The following MEGF9 variants were observed in gnomAD, a reference collection of about 807,000 sequenced individuals.
The protein encoded by MEGF9 is multiple EGF like domains 9, also known as multiple epidermal growth factor-like domains protein 9.
Under a neutral mutation model 46.8 loss-of-function variants are expected in MEGF9, and 6 were observed. That is an observed-to-expected ratio of 0.13 (90% CI 0.07 to 0.25). The LOEUF (loss-of-function observed/expected upper bound fraction) is 0.25. Ranked by LOEUF, MEGF9 falls within the 10% of genes least tolerant of loss-of-function variation. The pLI, the probability that MEGF9 is intolerant of heterozygous loss-of-function variation, is 1.00. For synonymous variants in MEGF9, 302 were observed against 330.7 expected, an observed-to-expected ratio of 0.91 and a Z score of 0.94; for missense variants, 683 against 792.4, an observed-to-expected ratio of 0.86 and a Z score of 1.66.
At chr9:120,608,044 G>C (rs763759893) in intron 4 of MEGF9, 34 bp from the exon 5 acceptor site, 15 of 1,599,644 alleles carry the variant, frequency 9.4e-6, no homozygotes, top group African/African-American at 1.3e-5. Flanking sequence ...GTTTAGTACA[G>C]TCTGAAGCTA....
chr9:120,619,077 G>A (rs1248165751), intron 3 of MEGF9, among the ~76,000 whole-genome samples: 1 of 152,086 alleles, frequency 6.6e-6, no homozygotes, highest in Non-Finnish European at 1.5e-5. Context: ...CAGGCACAGT[G>A]GCTCACATCT....
At chr9:120,683,393 G>A (rs2043807467) in intron 1 of MEGF9, among the ~76,000 whole-genome samples, 1 of 152,198 alleles carries the variant, frequency 6.6e-6, no homozygotes. Flanking sequence ...CATGTGTTGA[G>A]GGAGGGACCA....
At chr9:120,701,589 A>G (rs796233411) in intron 1 of MEGF9, among the ~76,000 whole-genome samples, 40 of 152,358 alleles carry the variant, frequency 2.6e-4, no homozygotes, top group African/African-American at 9.4e-4. Flanking sequence ...ACATATGGAC[A>G]GACTGAAACC....
intron 1 of MEGF9, among the ~76,000 whole-genome samples, chr9:120,695,003 G>A (rs1434671308): frequency 6.7e-6 from 1 of 149,662 alleles, no homozygotes; most frequent in African/African-American, 2.5e-5. Context: ...CCACATGCTA[G>A]GAATTAATCT....
intron 2 of MEGF9, among the ~76,000 whole-genome samples, chr9:120,646,414 C>T (rs994592512): frequency 2.6e-5 from 4 of 152,266 alleles, no homozygotes; most frequent in Non-Finnish European, 5.9e-5. Flanking sequence ...CTCCTGTCCC[C>T]ACTCCTCTTC....
chr9:120,620,846 G>A (rs942345774), intron 3 of MEGF9, among the ~76,000 whole-genome samples: 5 of 99,792 alleles, frequency 5.0e-5, no homozygotes, highest in African/African-American at 1.4e-4. Context: ...AGACAAGATC[G>A]CATAAAAGAA....
intron 2 of MEGF9, among the ~76,000 whole-genome samples, chr9:120,658,183 C>T (rs1194417858): frequency 6.6e-6 from 1 of 152,154 alleles, no homozygotes; most frequent in Non-Finnish European, 1.5e-5. Context: ...GACGGGGTTT[C>T]ACTGTGCTGG....
intron 2 of MEGF9, among the ~76,000 whole-genome samples, chr9:120,645,700 T>C (rs2043623197): frequency 6.6e-6 from 1 of 152,178 alleles, no homozygotes; most frequent in African/African-American, 2.4e-5. Context: ...GAAGTAAAGT[T>C]TGTCAATTAT....
intron 2 of MEGF9, among the ~76,000 whole-genome samples, chr9:120,656,905 G>T (rs932347620): frequency 6.6e-6 from 1 of 152,058 alleles, no homozygotes; most frequent in African/African-American, 2.4e-5. Context: ...TATACGGTGC[G>T]ACTCTGTCTC....
intron 5 of MEGF9, among the ~76,000 whole-genome samples, chr9:120,606,402 G>A (rs1364376449): frequency 6.6e-6 from 1 of 152,142 alleles, no homozygotes; most frequent in Non-Finnish European, 1.5e-5. Context: ...CTGCAAAGGA[G>A]GTGTAGGGAA....
At chr9:120,690,235 T>C (rs1222969533) in intron 1 of MEGF9, among the ~76,000 whole-genome samples, 1 of 152,070 alleles carries the variant, frequency 6.6e-6, no homozygotes, top group African/African-American at 2.4e-5. Flanking sequence ...GACATAAAAA[T>C]TAAAGAATGG....
intron 3 of MEGF9, among the ~76,000 whole-genome samples, chr9:120,612,997 C>A (rs1020650223): frequency 6.6e-6 from 1 of 150,710 alleles, no homozygotes; most frequent in African/African-American, 2.4e-5. Context: ...CCATTACACC[C>A]GGCTAATTTT....
rs78369768 is a variant in MEGF9 at position 120,613,100 on chromosome 9, G to A, written c.944-561C>T. On this transcript the variant is annotated intron_variant, in intron 3 of 5. Coordinates refer to ENST00000373930, the MANE Select transcript of MEGF9 (RefSeq NM_001080497.3). ...GATTCTCCTGCGTTGGCCTCCCAAA[G>A]TTTTGGGATTACAGGCATGAGCCAT... is the stretch of plus-strand genomic sequence containing the variant. Among the ~76,000 whole-genome samples the A allele has an allele frequency of 3.9e-3, 600 of 152,218 alleles. 5 individuals are homozygous for A. Among genetic ancestry groups the A allele is most frequent in the African/African-American group, 0.014 (567 of 41,544 alleles).
intron 1 of MEGF9, among the ~76,000 whole-genome samples, chr9:120,700,273 G>C (rs950121441): frequency 2.6e-5 from 4 of 152,138 alleles, no homozygotes; most frequent in African/African-American, 4.8e-5. Flanking sequence ...TGATTAGCTG[G>C]ACCATCCAGC....
At chr9:120,693,402 TC>T (rs2043860265) in intron 1 of MEGF9, among the ~76,000 whole-genome samples, 1 of 152,172 alleles carries the variant, frequency 6.6e-6, no homozygotes, top group Non-Finnish European at 1.5e-5. Context: ...GTGGCTTTAG[TC>T]CCTGAAGACC....
In MEGF9 at chr9:120,690,379, G is replaced by A. The variant is rs566768508; in HGVS notation, c.601+23379C>T. ...TGCCCTGGAGTCAGTGTGTGTGTGT[G>A]TATATATTAAAGGATATGTGGCTAT... On this transcript the variant is annotated intron_variant, in intron 1 of 5. Transcript: ENST00000373930. 1.5e-4 allele frequency among the ~76,000 whole-genome samples: 23 copies of A among 152,196 alleles called. No individual in the cohort carries two copies. The South Asian group carries it at 2.9e-3, about 19-fold the overall frequency.
intron 1 of MEGF9, among the ~76,000 whole-genome samples, chr9:120,669,936 A>T (rs1420660705): frequency 6.6e-6 from 1 of 152,190 alleles, no homozygotes; most frequent in Non-Finnish European, 1.5e-5. Context: ...ACAGCTTTTT[A>T]CAATTTTCTG....
intron 3 of MEGF9, among the ~76,000 whole-genome samples, chr9:120,619,503 T>G (rs919342416): frequency 6.6e-6 from 1 of 152,220 alleles, no homozygotes; most frequent in Non-Finnish European, 1.5e-5. Context: ...TGCTATTATA[T>G]CAAATTTATA....
At chr9:120,626,404 C>T (rs1315925436) in intron 2 of MEGF9, among the ~76,000 whole-genome samples, 3 of 152,194 alleles carry the variant, frequency 2.0e-5, no homozygotes, top group South Asian at 2.1e-4. Flanking sequence ...ATAGAACTTA[C>T]ATACTCATGG....
Sources: gnomAD v4.1 joint callset for allele counts (sites outside exome capture counted in the v4.1 genomes callset) on GRCh38, gnomAD v4.1.1 for gene constraint, MANE v1.5 for transcripts, NCBI Gene and HGNC (gene_info 2026-07-23, HGNC 2026-07-21) for gene names.